The following FGF10 variants were observed in gnomAD, a reference collection of about 807,000 sequenced individuals.
The protein encoded by FGF10 is fibroblast growth factor 10.
Under a neutral mutation model 19.8 loss-of-function variants are expected in FGF10, and 2 were observed. The ratio of observed to expected loss-of-function variants is 0.10; its 90% CI spans 0.04 to 0.32. The LOEUF is 0.32. FGF10 is among the 10% of genes least tolerant of loss of function. FGF10 has a pLI of 1.00. For synonymous variants in FGF10, 112 were observed against 94.0 expected, an observed-to-expected ratio of 1.19 and a Z score of -1.10; for missense variants, 191 against 246.3, an observed-to-expected ratio of 0.78 and a Z score of 1.50.
At position 44,329,640 on chromosome 5, in the gene FGF10, G is replaced by A. The variant is rs966908444; in HGVS notation, c.326-19110C>T. ...AAATGAAAAAAAATCACAAAAATGAGCATGTACCCAATATAAGAAACATTT... is the reference window on the plus strand; with the variant it reads ...AAATGAAAAAAAATCACAAAAATGAACATGTACCCAATATAAGAAACATTT... On this transcript the variant is annotated intron_variant, in intron 1 of 2. Coordinates refer to ENST00000264664, the MANE Select transcript of FGF10 (RefSeq NM_004465.2). 7.2e-5 allele frequency among the ~76,000 whole-genome samples: 11 copies of A among 152,178 alleles called. No homozygotes were observed. The East Asian group carries it at 9.6e-4, about 13-fold the overall frequency.
intron 1 of FGF10, among the ~76,000 whole-genome samples, chr5:44,342,419 T>C (rs148930430): frequency 7.0e-4 from 107 of 151,926 alleles, no homozygotes; most frequent in African/African-American, 2.5e-3. Context: ...TTTTATAACA[T>C]ATAAGTTTCT....
chr5:44,385,713 C>T (rs1056165859), intron 1 of FGF10, among the ~76,000 whole-genome samples: 2 of 152,142 alleles, frequency 1.3e-5, no homozygotes, highest in African/African-American at 4.8e-5. Context: ...ATTTGGTGGA[C>T]AGCTGGCTGG....
chr5:44,349,453 T>TATATATATATATATCAGA (rs1741180027), intron 1 of FGF10, among the ~76,000 whole-genome samples: 5 of 23,068 alleles, frequency 2.2e-4, no homozygotes, highest in Non-Finnish European at 3.7e-4. Context: ...TATATATATA[T>TATATATATATATATCAGA]ATATATATAT....
intron 1 of FGF10, among the ~76,000 whole-genome samples, chr5:44,361,014 C>T (rs780692644): frequency 6.6e-5 from 10 of 151,694 alleles, no homozygotes; most frequent in African/African-American, 1.2e-4. Flanking sequence ...TCCTTGTTAT[C>T]TCATTGACCC....
At chr5:44,331,878 C>T (rs1038190781) in intron 1 of FGF10, among the ~76,000 whole-genome samples, 5 of 151,916 alleles carry the variant, frequency 3.3e-5, no homozygotes, top group African/African-American at 1.2e-4. Context: ...TTACTCAATA[C>T]TTAGTGATTG....
intron 1 of FGF10, among the ~76,000 whole-genome samples, chr5:44,341,009 C>T (rs1040205214): frequency 6.6e-6 from 1 of 151,898 alleles, no homozygotes; most frequent in African/African-American, 2.4e-5. Context: ...TTGAAATATA[C>T]TTTCCATTTA....
At chr5:44,377,048 C>T (rs944393032) in intron 1 of FGF10, among the ~76,000 whole-genome samples, 1 of 152,224 alleles carries the variant, frequency 6.6e-6, no homozygotes, top group Admixed American at 6.5e-5. Context: ...TGCCCACCTG[C>T]ATGCAAACTT....
At position 44,369,478 on chromosome 5, in the gene FGF10, A is replaced by G. The variant is rs563014329; in HGVS notation, c.325+18880T>C. The stretch of plus-strand genomic sequence containing the variant: ...CATAAATTCCTGTGGCTTAAAAAAG[A>G]AGAAGGGAAGAGCTCTCAATCCCTA... On this transcript the variant is annotated intron_variant, in intron 1 of 2. Coordinates refer to ENST00000264664, the MANE Select transcript of FGF10 (RefSeq NM_004465.2). Among the ~76,000 whole-genome samples the G allele has an allele frequency of 2.2e-4, 34 of 152,244 alleles. No individual in the cohort carries two copies. The South Asian group carries it at 6.2e-3, about 28-fold the overall frequency.
chr5:44,328,686 A>C (rs1353812568), intron 1 of FGF10, among the ~76,000 whole-genome samples: 1 of 152,164 alleles, frequency 6.6e-6, no homozygotes. Context: ...CACTTGAGCC[A>C]AGGAGGTAGA....
At position 44,302,235 on chromosome 5, in the gene FGF10, C is replaced by T. The variant is rs1470494495; in HGVS notation, c.*2760G>A. Among the ~76,000 whole-genome samples, 1 of 151,240 alleles carries T rather than the reference C, an allele frequency of 6.6e-6. No homozygotes were observed. Among genetic ancestry groups the T allele is most frequent in the Non-Finnish European group, 1.5e-5 (1 of 67,878 alleles). ...ACTCCTTACCAAACAATCTTTCTTT[C>T]TCTCTCCTTCCTTCCCTCCCTTCTT... On this transcript the variant is annotated 3_prime_UTR_variant, in exon 3 of 3. Coordinates refer to ENST00000264664, the MANE Select transcript of FGF10 (RefSeq NM_004465.2).
At chr5:44,377,398 C>T (rs1429358097) in intron 1 of FGF10, among the ~76,000 whole-genome samples, 1 of 152,110 alleles carries the variant, frequency 6.6e-6, no homozygotes, top group African/African-American at 2.4e-5. Context: ...AAACAACTAC[C>T]AAGTTTAATA....
At chr5:44,346,809 A>G (rs1056955530) in intron 1 of FGF10, among the ~76,000 whole-genome samples, 2 of 151,860 alleles carry the variant, frequency 1.3e-5, no homozygotes, top group African/African-American at 4.8e-5. Flanking sequence ...AATATGACTA[A>G]TAATATTGAG....
chr5:44,332,721 G>T (rs1388159703), intron 1 of FGF10, among the ~76,000 whole-genome samples: 1 of 152,106 alleles, frequency 6.6e-6, no homozygotes, highest in Non-Finnish European at 1.5e-5. Context: ...ACCACACTTT[G>T]AGTAGCATGA....
chr5:44,337,595 C>A (rs899652916), intron 1 of FGF10, among the ~76,000 whole-genome samples: 4 of 152,060 alleles, frequency 2.6e-5, no homozygotes, highest in Admixed American at 1.3e-4. Context: ...ATGCGTGAAG[C>A]ACTATTAGAA....
intron 2 of FGF10, among the ~76,000 whole-genome samples, chr5:44,308,718 A>G (rs368606667): frequency 2.0e-5 from 3 of 152,250 alleles, no homozygotes; most frequent in African/African-American, 7.2e-5. Context: ...CCCTAGTCCC[A>G]GGGACCAACT....
chr5:44,369,234 C>G (rs1741690120), intron 1 of FGF10, among the ~76,000 whole-genome samples: 1 of 152,070 alleles, frequency 6.6e-6, no homozygotes, highest in Non-Finnish European at 1.5e-5. Flanking sequence ...ATCTCCACAG[C>G]TGAAGGAAAG....
chr5:44,349,253 C>T (rs956451566), intron 1 of FGF10, among the ~76,000 whole-genome samples: 4 of 149,838 alleles, frequency 2.7e-5, no homozygotes, highest in Non-Finnish European at 6.0e-5. Context: ...TTTCTTCAGC[C>T]ATCTCATCTG....
rs549978790 is a variant in FGF10 at position 44,354,088 on chromosome 5, A to C, written c.325+34270T>G. Among the ~76,000 whole-genome samples, 10 of 151,486 alleles carry C rather than the reference A, an allele frequency of 6.6e-5. No homozygotes were observed. The South Asian group carries it at 2.1e-3, about 31-fold the overall frequency. Reference sequence around the variant, plus strand: ...AGGTGAATTAAAATATGATGGATCTACCTTGCCTTTGAATATCAAAATGTT... The same window carrying C: ...AGGTGAATTAAAATATGATGGATCTCCCTTGCCTTTGAATATCAAAATGTT... On this transcript the variant is annotated intron_variant, in intron 1 of 2. Coordinates refer to ENST00000264664, the MANE Select transcript of FGF10 (RefSeq NM_004465.2).
chr5:44,371,272 C>T (rs1449093658), intron 1 of FGF10, among the ~76,000 whole-genome samples: 5 of 152,086 alleles, frequency 3.3e-5, no homozygotes, highest in Non-Finnish European at 7.4e-5. Context: ...TCTGCTGCCA[C>T]GGTGCCCTGC....
Sources: allele counts gnomAD v4.1 joint callset (sites outside exome capture counted in the v4.1 genomes callset), GRCh38; gene constraint gnomAD v4.1.1; transcripts MANE v1.5; gene names NCBI Gene and HGNC (gene_info 2026-07-23, HGNC 2026-07-21).